The following NRXN3 variants were observed in gnomAD, a reference collection of about 807,000 sequenced individuals.
NRXN3 encodes the protein neurexin 3, also known as neurexin III.
In NRXN3, 32 loss-of-function variants were observed where a neutral mutation model predicts 137.6. That is an observed-to-expected ratio of 0.23 (90% CI 0.18 to 0.31). The LOEUF (loss-of-function observed/expected upper bound fraction) is 0.31, where lower values mean the gene tolerates loss of function less well. Ranked by LOEUF, NRXN3 falls within the 10% of genes least tolerant of loss-of-function variation. The pLI, the probability that NRXN3 is intolerant of heterozygous loss-of-function variation, is 1.00. For synonymous variants in NRXN3, 798 were observed against 784.5 expected (o/e 1.02, Z -0.29); for missense variants, 1,574 against 2,062.5 (o/e 0.76, Z 4.59).
chr14:78,836,941 A>G (rs72685456), intron 10 of NRXN3, among the ~76,000 whole-genome samples: 12,546 of 152,132 alleles, frequency 0.082, 721 homozygotes, highest in Non-Finnish European at 0.13. Flanking sequence ...TGAGCCTTAG[A>G]GTGGCCACAA....
intron 16 of NRXN3, among the ~76,000 whole-genome samples, chr14:79,587,845 T>C (rs1242150107): frequency 6.6e-6 from 1 of 152,206 alleles, no homozygotes; most frequent in African/African-American, 2.4e-5. Context: ...TAAATATTCA[T>C]CTGTTTTCAT....
At position 79,057,379 on chromosome 14, in the gene NRXN3, T is replaced by C. The variant is rs751747231; in HGVS notation, c.3262+69238T>C. 5.7e-4 allele frequency among the ~76,000 whole-genome samples: 87 copies of C among 152,230 alleles called. 1 individual carries two copies. The highest frequency in any genetic ancestry group is 6.2e-4 in the South Asian group (3 of 4,836). ...TTTCTGTGTGATAGTGCTTTCTTTA[T>C]AATTAATGTGGATTTAGTGTGTGTT... On this transcript the variant is annotated intron_variant, in intron 15 of 20. Transcript: ENST00000335750.
At chr14:78,607,375 A>G (rs1174018508) in intron 4 of NRXN3, among the ~76,000 whole-genome samples, 2 of 152,162 alleles carry the variant, frequency 1.3e-5, no homozygotes, top group Non-Finnish European at 2.9e-5. Context: ...CTAAAGGACC[A>G]AGGTGTAAGA....
intron 16 of NRXN3, among the ~76,000 whole-genome samples, chr14:79,663,495 T>C (rs2098544296): frequency 1.3e-5 from 2 of 152,122 alleles, no homozygotes; most frequent in Non-Finnish European, 2.9e-5. Context: ...TGTCATTGCA[T>C]AGCTACTAGG....
intron 4 of NRXN3, among the ~76,000 whole-genome samples, chr14:78,598,886 T>G (rs571910026): frequency 6.6e-6 from 1 of 152,270 alleles, no homozygotes; most frequent in South Asian, 2.1e-4. Context: ...TAGGTGGAGA[T>G]TATTTCAAGA....
Position 78,243,027 on chromosome 14 carries a change from G to A in NRXN3, c.-67G>A. ...TGTCTTTCCCACTTCTATTGCCAAA[G>A]GGAGAGATCCTCTCCGGGCTGTTCC... On this transcript the variant is annotated 5_prime_UTR_variant, in exon 2 of 21. Coordinates refer to ENST00000335750, the MANE Select transcript of NRXN3 (RefSeq NM_001330195.2). The surrounding 1 kb of genome is among the most constrained non-coding windows in gnomAD (Gnocchi z 4.2). 1 of 1,198,230 alleles carries A rather than the reference G, an allele frequency of 8.3e-7. No homozygotes were observed. The highest frequency in any genetic ancestry group is 2.0e-4 in the Middle Eastern group (1 of 5,096). 74.2% of individuals were successfully genotyped at this position (1,198,230 alleles called of 1,614,324 possible).
At chr14:79,686,282 A>G (rs1029225680) in intron 17 of NRXN3, among the ~76,000 whole-genome samples, 2 of 152,170 alleles carry the variant, frequency 1.3e-5, no homozygotes, top group Admixed American at 6.5e-5. Context: ...CTACATGTCT[A>G]CAGGCTCATC....
chr14:79,193,555 C>T lies in NRXN3; in HGVS notation c.3262+205414C>T, dbSNP rs550424634. On this transcript the variant is annotated intron_variant, in intron 15 of 20. Transcript: ENST00000335750. ...AATTTTTAATTTTGCAAACCTTAAC[C>T]GATGTTTATTATTATAAGCTGTGAA... is the stretch of plus-strand genomic sequence containing the variant. 2.6e-5 allele frequency among the ~76,000 whole-genome samples: 4 copies of T among 152,238 alleles called. No homozygotes were observed. The South Asian group carries it at 6.2e-4, about 24-fold the overall frequency.
At chr14:79,269,410 A>G (rs1343300401) in intron 15 of NRXN3, among the ~76,000 whole-genome samples, 1 of 152,164 alleles carries the variant, frequency 6.6e-6, no homozygotes, top group Non-Finnish European at 1.5e-5. Flanking sequence ...GCCTCACTCT[A>G]GAAGAAAATT....
At chr14:78,315,534 T>C (rs1049172371) in intron 4 of NRXN3, among the ~76,000 whole-genome samples, 1 of 152,200 alleles carries the variant, frequency 6.6e-6, no homozygotes, top group Non-Finnish European at 1.5e-5. Context: ...ATAGAAGTAT[T>C]TTGTTGTATT....
intron 20 of NRXN3, among the ~76,000 whole-genome samples, chr14:79,834,574 C>G (rs1056706023): frequency 6.6e-6 from 1 of 152,134 alleles, no homozygotes; most frequent in Admixed American, 6.6e-5. Context: ...CGCATCTGTT[C>G]TTGTTTGATT....
In NRXN3 at chr14:79,105,236, A is replaced by G. The variant is rs953375948; in HGVS notation, c.3262+117095A>G. ...CAGACAGATCAATAGTATCGTTTTCATTTATGAATACTATTTTAATGTCTT... is the reference window on the plus strand; with the variant it reads ...CAGACAGATCAATAGTATCGTTTTCGTTTATGAATACTATTTTAATGTCTT... On this transcript the variant is annotated intron_variant, in intron 15 of 20. Transcript: ENST00000335750. 2.6e-5 allele frequency among the ~76,000 whole-genome samples: 4 copies of G among 152,126 alleles called. No individual in the cohort carries two copies. The East Asian group carries it at 7.7e-4, about 29-fold the overall frequency.
At chr14:79,845,266 G>C (rs1305352457) in intron 20 of NRXN3, among the ~76,000 whole-genome samples, 1 of 151,892 alleles carries the variant, frequency 6.6e-6, no homozygotes, top group East Asian at 1.9e-4. Flanking sequence ...TTATCATTCG[G>C]GTATTTACTG....
chr14:79,781,342 G>A (rs1323326333), intron 19 of NRXN3, among the ~76,000 whole-genome samples: 3 of 152,132 alleles, frequency 2.0e-5, no homozygotes, highest in East Asian at 1.9e-4. Flanking sequence ...AGTATGATAC[G>A]GGAAAAGAGT....
intron 4 of NRXN3, among the ~76,000 whole-genome samples, chr14:78,545,007 T>C (rs1400802960): frequency 6.6e-6 from 1 of 152,236 alleles, no homozygotes; most frequent in Non-Finnish European, 1.5e-5. Flanking sequence ...CAGCAGAGCC[T>C]GATTAGCTTT....
chr14:78,319,584 A>G (rs1264285021), intron 4 of NRXN3, among the ~76,000 whole-genome samples: 2 of 152,084 alleles, frequency 1.3e-5, no homozygotes, highest in Non-Finnish European at 1.5e-5. Flanking sequence ...CCCTTGCCCA[A>G]ATTTATCAGG....
intron 15 of NRXN3, among the ~76,000 whole-genome samples, chr14:79,239,047 A>G (rs529049725): frequency 6.6e-6 from 1 of 152,248 alleles, no homozygotes; most frequent in Admixed American, 6.5e-5. Context: ...TTAACTGTGG[A>G]TAGCACCAAA....
chr14:79,499,363 T>C (rs989714441), intron 16 of NRXN3, among the ~76,000 whole-genome samples: 9 of 152,210 alleles, frequency 5.9e-5, no homozygotes, highest in Admixed American at 2.0e-4. Context: ...TGACTTTTCC[T>C]TGTTTTATAC....
chr14:78,986,694 T>C (rs2099506409), intron 14 of NRXN3, among the ~76,000 whole-genome samples: 1 of 152,146 alleles, frequency 6.6e-6, no homozygotes, highest in African/African-American at 2.4e-5. Flanking sequence ...TGATTCTCTT[T>C]TGCATGCTCC....
Sources: allele counts gnomAD v4.1 joint callset (sites outside exome capture counted in the v4.1 genomes callset), GRCh38; gene constraint gnomAD v4.1.1; non-coding constraint Gnocchi (gnomAD v3.1); transcripts MANE v1.5; gene names NCBI Gene and HGNC (gene_info 2026-07-23, HGNC 2026-07-21).